Variants in ZNF254 observed in about 807,000 individuals in gnomAD.
ZNF254 encodes zinc finger protein 254, also known as CTD-2017D11.1.
ZNF254 carries 10 observed loss-of-function variants against 12.4 expected under a neutral mutation model. That is an observed-to-expected ratio of 0.80 (90% CI 0.50 to 1.36). The LOEUF is 1.36. ZNF254 is among the 40% of genes most tolerant of loss of function. The pLI is 0.00. For synonymous variants in ZNF254, 305 were observed against 253.4 expected (o/e 1.20, Z -1.93); for missense variants, 996 against 763.9 (o/e 1.30, Z -3.58).
At chr19:24,117,227 C>G (rs1974144883) in intron 3 of ZNF254, among the ~76,000 whole-genome samples, 1 of 152,172 alleles carries the variant, frequency 6.6e-6, no homozygotes, top group Admixed American at 6.5e-5. Flanking sequence ...CTCTTCAAAG[C>G]TGTCAGACAG....
intron 3 of ZNF254, among the ~76,000 whole-genome samples, chr19:24,111,443 T>G (rs1437098012): frequency 6.6e-6 from 1 of 152,154 alleles, no homozygotes; most frequent in Non-Finnish European, 1.5e-5. Context: ...AGCAGCATGA[T>G]TTATAGTCCT....
At chr19:24,084,262 A>G (rs1971948913), upstream of ZNF254, among the ~76,000 whole-genome samples, 6 of 150,846 alleles carry the variant, frequency 4.0e-5, no homozygotes, top group South Asian at 1.3e-3. Flanking sequence ...AGCAACCTCA[A>G]TGGAGTTGAA....
rs1381179227 is a variant in ZNF254, at chr19:24,128,253, A to G, written c.*273A>G. On this transcript the variant is annotated 3_prime_UTR_variant, in exon 4 of 4. Transcript: ENST00000357002. ...CAAGCTTCGACAATGCTCACACCCT[A>G]TTGCACAGGAAAGCATTTATACTTG... 2 of 356,942 alleles carry G rather than the reference A, an allele frequency of 5.6e-6. No individual in the cohort carries two copies. Among genetic ancestry groups the G allele is most frequent in the African/African-American group, 2.1e-5 (1 of 47,496 alleles). The allele number at this position is 356,942 out of a possible 1,614,324, so 22.1% of individuals were successfully genotyped here.
chr19:24,126,257 T>A lies in ZNF254; in HGVS notation c.257T>A (p.Met86Lys). Residue 86 changes from methionine to lysine, a missense_variant, in exon 4 of 4, where the codon ATG becomes AAG. Met to Lys is a moderately conservative substitution (Grantham distance 95). Transcript: ENST00000357002. ...RHEMVDEPPG[M>K]CPHFAQDLWP... ...TTTATTTTTATTTTTTTTTCAGGTA[T>A]GTGTCCTCATTTTGCTCAAGACCTT... is the stretch of plus-strand genomic sequence containing the variant. 1 of 1,470,764 alleles carries A rather than the reference T, an allele frequency of 6.8e-7. No homozygotes were observed. Among genetic ancestry groups the A allele is most frequent in the Non-Finnish European group, 9.0e-7 (1 of 1,111,102 alleles). The allele number at this position is 1,470,764 out of a possible 1,614,324, so 91.1% of individuals were successfully genotyped here. A position where few individuals can be genotyped will look rare whatever the true frequency, so the allele number is the denominator to read the frequency against.
chr19:24,063,585 AC>A (rs896221129), intron 2 of ZNF254, among the ~76,000 whole-genome samples: 5 of 152,186 alleles, frequency 3.3e-5, no homozygotes, highest in African/African-American at 1.2e-4. Context: ...GGACCGGTCT[AC>A]AGAGGGGATT....
Position 24,127,301 on chromosome 19 carries a change from A to G in ZNF254, c.1301A>G (p.Tyr434Cys), listed in dbSNP as rs368159036. 1 of 1,613,666 alleles carries G rather than the reference A, an allele frequency of 6.2e-7. No homozygotes were observed. The highest frequency in any genetic ancestry group is 1.3e-5 in the African/African-American group (1 of 74,902). Residue 434 changes from tyrosine to cysteine, a missense_variant, in exon 4 of 4, where the codon TAC (tyrosine) becomes TGC (cysteine). Coordinates refer to ENST00000357002, the MANE Select transcript of ZNF254 (RefSeq NM_203282.4). ...ATAATTCATACTGGAGAGAAACCTT[A>G]CAAGTGTGAAGAATGTGGCAAAGCA... ...HKIIHTGEKP[Y>C]KCEECGKAFI... is the part of the protein sequence containing the mutation.
At chr19:24,101,596 A>G (rs750418921) in intron 1 of ZNF254, among the ~76,000 whole-genome samples, 1 of 152,196 alleles carries the variant, frequency 6.6e-6, no homozygotes, top group Non-Finnish European at 1.5e-5. Context: ...AAAATATGAT[A>G]TTAGAGTATT....
At chr19:24,072,917 G>A (rs969746906) in intron 2 of ZNF254, among the ~76,000 whole-genome samples, 4 of 152,156 alleles carry the variant, frequency 2.6e-5, no homozygotes, top group Admixed American at 1.3e-4. Flanking sequence ...TCTACTCACA[G>A]TTTGGGTTGT....
chr19:24,117,919 T>G (rs4932745), intron 3 of ZNF254, among the ~76,000 whole-genome samples: 74,030 of 151,842 alleles, frequency 0.49, 18,974 homozygotes, highest in African/African-American at 0.64. Flanking sequence ...GCATATTTTA[T>G]ATATAGATTC....
intron 3 of ZNF254, among the ~76,000 whole-genome samples, chr19:24,120,131 G>A (rs868349434): frequency 3.9e-5 from 6 of 152,098 alleles, no homozygotes; most frequent in Non-Finnish European, 8.8e-5. Context: ...TCACATGGTG[G>A]CAGACAAAAG....
At chr19:24,037,318 C>A (rs1489149885) in intron 1 of ZNF254, among the ~76,000 whole-genome samples, 1 of 152,192 alleles carries the variant, frequency 6.6e-6, no homozygotes, top group Non-Finnish European at 1.5e-5. Flanking sequence ...TAGCCCTAGA[C>A]CTGGCTGTCA....
chr19:24,113,728 A>G (rs1973853396), intron 3 of ZNF254, among the ~76,000 whole-genome samples: 1 of 152,188 alleles, frequency 6.6e-6, no homozygotes, highest in South Asian at 2.1e-4. Flanking sequence ...TCAATTAGGA[A>G]AAGAGGAAGT....
At chr19:24,085,628 CG>C (rs1359997730), upstream of ZNF254, among the ~76,000 whole-genome samples, 3 of 151,108 alleles carry the variant, frequency 2.0e-5, no homozygotes, top group African/African-American at 7.3e-5. Context: ...AGAAATAAAC[CG>C]GGCATGATGG....
chr19:24,126,423 A>G lies in ZNF254; in HGVS notation c.423A>G (p.Gly141=). The change falls in exon 4 of 4, where the codon GGA becomes GGG. Residue 141 remains glycine, a synonymous_variant. Coordinates refer to ENST00000357002, the MANE Select transcript of ZNF254 (RefSeq NM_203282.4). ...AGGTGAACAAAGAAGGTTATAATGGACTTAACCAGTGTTTCACAACTGCCC... is the reference window on the plus strand; with the variant it reads ...AGGTGAACAAAGAAGGTTATAATGGGCTTAACCAGTGTTTCACAACTGCCC... ...EYKVNKEGYN[G]LNQCFTTAQS... 1 of 1,601,538 alleles carries G rather than the reference A, an allele frequency of 6.2e-7. No homozygotes were observed. The highest frequency in any genetic ancestry group is 8.5e-7 in the Non-Finnish European group (1 of 1,176,494).
intron 3 of ZNF254, among the ~76,000 whole-genome samples, chr19:24,119,074 C>CGGTG (rs1974303350): frequency 6.6e-6 from 1 of 151,920 alleles, no homozygotes. Context: ...AGCATGCCAC[C>CGGTG]ACATTCCATC....
chr19:24,094,699 C>G (rs1354703699), intron 1 of ZNF254, among the ~76,000 whole-genome samples: 3 of 148,786 alleles, frequency 2.0e-5, no homozygotes, highest in Non-Finnish European at 4.5e-5. Context: ...TTTTTCTTTT[C>G]TTTTTGAGAT....
chr19:24,053,823 A>G (rs933801997), intron 2 of ZNF254, among the ~76,000 whole-genome samples: 1 of 151,890 alleles, frequency 6.6e-6, no homozygotes, highest in Non-Finnish European at 1.5e-5. Flanking sequence ...GCCCTGCCAA[A>G]AGGGAGGATT....
At chr19:24,084,279 T>A (rs1221690023), upstream of ZNF254, among the ~76,000 whole-genome samples, 1 of 150,992 alleles carries the variant, frequency 6.6e-6, no homozygotes, top group Non-Finnish European at 1.5e-5. Flanking sequence ...TGAAGAACAT[T>A]ATTCTAAGTG....
chr19:24,125,644 TTTA>T (rs1271470604), intron 3 of ZNF254, among the ~76,000 whole-genome samples: 5 of 152,196 alleles, frequency 3.3e-5, no homozygotes, highest in African/African-American at 1.2e-4. Flanking sequence ...AAATTTTATT[TTTA>T]TTATTTAATT....
Sources: gnomAD v4.1 joint callset for allele counts (sites outside exome capture counted in the v4.1 genomes callset) on GRCh38, gnomAD v4.1.1 for gene constraint, MANE v1.5 for transcripts, NCBI Gene and HGNC (gene_info 2026-07-23, HGNC 2026-07-21) for gene names.